The following SLC16A6 variants were observed in gnomAD, a reference collection of about 807,000 sequenced individuals.
The protein encoded by SLC16A6 is monocarboxylate transporter 7.
Under a neutral mutation model 33.8 loss-of-function variants are expected in SLC16A6, and 15 were observed. That is an observed-to-expected ratio of 0.44 (90% CI 0.30 to 0.68). SLC16A6 has a LOEUF of 0.68. SLC16A6 is among the 30% of genes least tolerant of loss of function. SLC16A6 has a pLI of 0.10. For missense variants in SLC16A6, 451 were observed against 661.5 expected, an observed-to-expected ratio of 0.68 and a Z score of 3.49; for synonymous variants, 219 against 248.4, an observed-to-expected ratio of 0.88 and a Z score of 1.11.
intron 1 of SLC16A6, chr17:68,285,762 C>G (rs1361398194): frequency 6.6e-6 from 1 of 152,066 alleles, no homozygotes; most frequent in Admixed American, 6.6e-5. Flanking sequence ...CCATGCCCAG[C>G]CAATTTTTTT....
At chr17:68,290,730 A>C (rs1223922997) in intron 1 of SLC16A6, among the ~76,000 whole-genome samples, 1 of 152,142 alleles carries the variant, frequency 6.6e-6, no homozygotes, top group Non-Finnish European at 1.5e-5. Flanking sequence ...AAATCCGCGG[A>C]GGGGCTGAGC....
At chr17:68,283,496 G>T (rs2075764032) in intron 1 of SLC16A6, among the ~76,000 whole-genome samples, 1 of 150,534 alleles carries the variant, frequency 6.6e-6, no homozygotes, top group African/African-American at 2.4e-5. Flanking sequence ...ACTCCAGCCT[G>T]GGCGACAGAG....
At position 68,271,390 on chromosome 17, in the gene SLC16A6, A is replaced by G. The variant is rs200168065; in HGVS notation, c.770T>C (p.Leu257Pro). 93 of 1,613,664 alleles carry G rather than the reference A, an allele frequency of 5.8e-5. No individual in the cohort carries two copies. Among genetic ancestry groups the G allele is most frequent in the Admixed American group, 2.0e-4 (12 of 60,024 alleles). Residue 257 changes from leucine to proline, a missense_variant, in exon 5 of 6, where the codon CTG becomes CCG. Coordinates refer to ENST00000580666, the MANE Select transcript of SLC16A6 (RefSeq NM_004694.5). The surrounding 1 kb of genome is among the most constrained non-coding windows in gnomAD (Gnocchi z 5.3). ...SPKNVPTHTN[L>P]ELEPKADMQQ... ...CATGTCGGCCTTCGGCTCCAGTTCC[A>G]GGTTAGTGTGAGTAGGCACATTTTT...
chr17:68,271,727 A>G lies in SLC16A6; in HGVS notation c.506-73T>C. The G allele has an allele frequency of 8.4e-7, 1 of 1,192,058 alleles. No individual in the cohort carries two copies. The highest frequency in any genetic ancestry group is 1.2e-6 in the Non-Finnish European group (1 of 846,334). 73.8% of individuals were successfully genotyped at this position (1,192,058 alleles called of 1,614,324 possible). On this transcript the variant is annotated intron_variant, in intron 4 of 5. Transcript: ENST00000580666. This position sits in a 1 kb window ranked among gnomAD's most constrained non-coding sequence, Gnocchi z 5.3. Reference sequence around the variant, plus strand: ...ACTCAAGACCCAGGAGAAGCCATCAAGAAGAAATATGGATCCAGATTTTGT... The same window carrying G: ...ACTCAAGACCCAGGAGAAGCCATCAGGAAGAAATATGGATCCAGATTTTGT...
At chr17:68,279,678 C>T (rs2030156264) in intron 1 of SLC16A6, among the ~76,000 whole-genome samples, 1 of 152,182 alleles carries the variant, frequency 6.6e-6, no homozygotes, top group Non-Finnish European at 1.5e-5. Context: ...CTTAACACTT[C>T]TAAGGAGACA....
chr17:68,287,854 G>A (rs754320018), intron 1 of SLC16A6, among the ~76,000 whole-genome samples: 10 of 152,042 alleles, frequency 6.6e-5, no homozygotes, highest in East Asian at 1.9e-4. Context: ...TTAAAAAACC[G>A]AGTCATAAGG....
chr17:68,284,905 C>T (rs1053751049), intron 1 of SLC16A6, among the ~76,000 whole-genome samples: 4 of 152,186 alleles, frequency 2.6e-5, no homozygotes, highest in Non-Finnish European at 2.9e-5. Flanking sequence ...AATCTGAGGT[C>T]TATTTCTCTT....
At position 68,267,949 on chromosome 17, in the gene SLC16A6, A is replaced by G. The variant is rs2075207641; in HGVS notation, c.*1147T>C. The G allele has an allele frequency of 6.6e-6, 1 of 152,216 alleles. No individual in the cohort carries two copies. The highest frequency in any genetic ancestry group is 1.5e-5 in the Non-Finnish European group (1 of 68,034). 9.4% of individuals were successfully genotyped at this position (152,216 alleles called of 1,614,324 possible). On this transcript the variant is annotated 3_prime_UTR_variant, in exon 6 of 6. Transcript: ENST00000580666. Reference sequence around the variant, plus strand: ...TAGATGGTTTTTTCTTTAAATCAGAAATGCTTTAACAATTCTCTGAAATAT... The same window carrying G: ...TAGATGGTTTTTTCTTTAAATCAGAGATGCTTTAACAATTCTCTGAAATAT...
At chr17:68,284,804 G>A (rs979954623) in intron 1 of SLC16A6, among the ~76,000 whole-genome samples, 4 of 152,114 alleles carry the variant, frequency 2.6e-5, no homozygotes, top group Non-Finnish European at 5.9e-5. Context: ...TTAAAATAAG[G>A]CATAAGATGC....
At chr17:68,291,365 G>A (rs1424870746), upstream of SLC16A6, 3 of 144,254 alleles carry the variant, frequency 2.1e-5, no homozygotes, top group African/African-American at 7.8e-5. Flanking sequence ...CCCCGGCCCC[G>A]CGTCGCTGCC....
Position 68,272,627 on chromosome 17 carries a change from T to G in SLC16A6, c.505+12A>C. On this transcript the variant is annotated intron_variant, in intron 4 of 5. Coordinates refer to ENST00000580666, the MANE Select transcript of SLC16A6 (RefSeq NM_004694.5). ...ATCCACATTCATACTTAGGCTGTTG[T>G]AGTCCACCTACCTGGTGCGAAAGCA... The G allele has an allele frequency of 6.2e-7, 1 of 1,613,298 alleles. No individual in the cohort carries two copies. Among genetic ancestry groups the G allele is most frequent in the Non-Finnish European group, 8.5e-7 (1 of 1,179,340 alleles).
Position 68,273,945 on chromosome 17 carries a change from C to T in SLC16A6, c.358G>A (p.Ala120Thr), listed in dbSNP as rs782407139. 3.2e-5 allele frequency: 51 copies of T among 1,614,054 alleles called. No individual in the cohort carries two copies. Among genetic ancestry groups the T allele is most frequent in the African/African-American group, 2.4e-4 (18 of 75,048 alleles). The change falls in exon 3 of 6, where the codon GCC (alanine) becomes ACC (threonine). Residue 120 changes from alanine (A) to threonine (T), a missense_variant. By Grantham distance (58) the Ala-to-Thr change is moderately conservative (BLOSUM62 0). Coordinates refer to ENST00000580666, the MANE Select transcript of SLC16A6 (RefSeq NM_004694.5). ...FSQEVSHMYV[A>T]IGIISGLGYC... ...CACTTACCAGAGATGATGCCGATGGCGACGTACATATGAGAAACCTCTTGT... is the reference window on the plus strand; with the variant it reads ...CACTTACCAGAGATGATGCCGATGGTGACGTACATATGAGAAACCTCTTGT...
chr17:68,267,589 T>C lies in SLC16A6; in HGVS notation c.*1507A>G, dbSNP rs1324860817. 1.3e-5 allele frequency: 2 copies of C among 152,202 alleles called. 1 individual carries two copies. Among genetic ancestry groups the C allele is most frequent in the African/African-American group, 4.8e-5 (2 of 41,456 alleles). The allele number at this position is 152,202 out of a possible 1,614,324, so 9.4% of individuals were successfully genotyped here. A position where few individuals can be genotyped will look rare whatever the true frequency, so the allele number is the denominator to read the frequency against. On this transcript the variant is annotated 3_prime_UTR_variant, in exon 6 of 6. Transcript: ENST00000580666. ...CCCCCTGAGTTGTCATAAATTAACA[T>C]TAACGATGAATAAAGATGGAGCAGC...
chr17:68,278,548 C>T (rs181330336), intron 1 of SLC16A6, among the ~76,000 whole-genome samples: 3 of 152,070 alleles, frequency 2.0e-5, no homozygotes, highest in African/African-American at 4.8e-5. Flanking sequence ...AATTCTCCTA[C>T]GTCAGCCTCC....
intron 4 of SLC16A6, 117 bp downstream of exon 4, chr17:68,272,522 G>A (rs1216983255): frequency 1.4e-5 from 16 of 1,182,280 alleles, no homozygotes; most frequent in East Asian, 4.9e-5. Context: ...CGTAAATAAC[G>A]TCTCATTACA....
At chr17:68,282,723 C>A (rs1270851470) in intron 1 of SLC16A6, among the ~76,000 whole-genome samples, 4 of 137,706 alleles carry the variant, frequency 2.9e-5, no homozygotes, top group Non-Finnish European at 6.1e-5. Context: ...ATGGGTGGAT[C>A]ATGAGGTCAG....
chr17:68,274,784 CT>C (rs11342192), intron 2 of SLC16A6, among the ~76,000 whole-genome samples: 137,566 of 143,338 alleles, frequency 0.96, 65,946 homozygotes, highest in Non-Finnish European at 0.98. Flanking sequence ...TAGTTTCTTT[CT>C]TTTTTTTTTT....
In SLC16A6 at chr17:68,276,256, G is replaced by A. The variant is rs78557829; in HGVS notation, c.232+1833C>T. Among the ~76,000 whole-genome samples, 111 of 151,816 alleles carry A rather than the reference G, an allele frequency of 7.3e-4. 1 individual carries two copies. In the East Asian group the frequency reaches 0.021, roughly 28 times the overall value. ...TTACAGGTGCCCACCACCACACCCG[G>A]CTAACGAGAAATTTCTACCTTACCC... On this transcript the variant is annotated intron_variant, in intron 2 of 5. Coordinates refer to ENST00000580666, the MANE Select transcript of SLC16A6 (RefSeq NM_004694.5).
At chr17:68,281,792 G>T (rs1599545557) in intron 1 of SLC16A6, among the ~76,000 whole-genome samples, 1 of 152,114 alleles carries the variant, frequency 6.6e-6, no homozygotes, top group African/African-American at 2.4e-5. Flanking sequence ...GCGGAGAAAA[G>T]AACTCTTATA....
Sources: gnomAD v4.1 joint callset for allele counts (sites outside exome capture counted in the v4.1 genomes callset) on GRCh38, gnomAD v4.1.1 for gene constraint, Gnocchi (gnomAD v3.1) non-coding constraint, MANE v1.5 for transcripts, NCBI Gene and HGNC (gene_info 2026-07-23, HGNC 2026-07-21) for gene names.